The following SYT15 variants were observed in gnomAD, a reference collection of about 807,000 sequenced individuals.
The protein encoded by SYT15 is synaptotagmin 15.
SYT15 carries 4 observed loss-of-function variants against 30.1 expected under a neutral mutation model. The ratio of observed to expected loss-of-function variants is 0.13; its 90% CI spans 0.07 to 0.30. SYT15 has a LOEUF of 0.30. Ranked by LOEUF, SYT15 falls within the 10% of genes least tolerant of loss-of-function variation. The pLI, the probability that SYT15 is intolerant of heterozygous loss-of-function variation, is 1.00. For missense variants in SYT15, 49 were observed against 371.7 expected, an observed-to-expected ratio of 0.13 and a Z score of 7.14; for synonymous variants, 19 against 166.3, an observed-to-expected ratio of 0.11 and a Z score of 6.82.
chr10:46,581,804 G>GGGATGGGT, intron 3 of SYT15, 92 bp from the exon 4 acceptor site: 1 of 813,404 alleles, frequency 1.2e-6, no homozygotes, highest in Non-Finnish European at 1.8e-6. Flanking sequence ...GAGACGGATG[G>GGGATGGGT]GCCAGGATGG....
At chr10:46,596,087 A>C (rs1555045586), downstream of SYT15, 1 of 146,410 alleles carries the variant, frequency 6.8e-6, no homozygotes, top group East Asian at 1.9e-4. Context: ...AACGCAATGA[A>C]CCATGCTGAT....
rs537149763 is a variant in SYT15, at chr10:46,586,732, C to T, written c.1124-773C>T. Among the ~76,000 whole-genome samples, 7 of 122,366 alleles carry T rather than the reference C, an allele frequency of 5.7e-5. 1 individual carries two copies. The highest frequency in any genetic ancestry group is 1.2e-4 in the Non-Finnish European group (7 of 59,344). The allele number at this position is 122,366 out of a possible 152,430, so 80.3% of individuals were successfully genotyped here. ...TGGTGGTGCACGCCTGTAGGCCCAA[C>T]TACTCGGGAGGCTGAAGCAGAAGAA... On this transcript the variant is annotated intron_variant, in intron 7 of 7. Coordinates refer to ENST00000374321, the MANE Select transcript of SYT15 (RefSeq NM_031912.5).
At chr10:46,596,878 A>T, downstream of SYT15, 15 of 390,248 alleles carry the variant, frequency 3.8e-5, no homozygotes, top group South Asian at 2.8e-4. Flanking sequence ...AGACTCCTAC[A>T]TGGGATTGGA....
chr10:46,595,410 G>T (rs1845641992), downstream of SYT15, among the ~76,000 whole-genome samples: 1 of 151,978 alleles, frequency 6.6e-6, no homozygotes. Context: ...CTGCCTCCCA[G>T]GTTCAAGCGA....
rs1456980936 is a variant in SYT15 at position 46,590,837 on chromosome 10, T to C, written c.*3190T>C. ...TTAAATTTCTCTCAAATACTTACTC[T>C]GCACCTTTTGAAATAATTTTATTTT... On this transcript the variant is annotated 3_prime_UTR_variant, in exon 8 of 8. Transcript: ENST00000374321. 1 of 123,116 alleles carries C rather than the reference T, an allele frequency of 8.1e-6. No homozygotes were observed. Among genetic ancestry groups the C allele is most frequent in the African/African-American group, 3.3e-5 (1 of 29,874 alleles). The allele number at this position is 123,116 out of a possible 1,614,324, so 7.6% of individuals were successfully genotyped here. A position where few individuals can be genotyped will look rare whatever the true frequency, so the allele number is the denominator to read the frequency against.
In SYT15 at chr10:46,590,792, T is replaced by G. The variant is rs533584999; in HGVS notation, c.*3145T>G. On this transcript the variant is annotated 3_prime_UTR_variant, in exon 8 of 8. Transcript: ENST00000374321. Reference sequence around the variant, plus strand: ...TATATTCTCAAGCTGTTAAAAAGATTTTTTTAATTACAAATAAGGTTAAAT... The same window carrying G: ...TATATTCTCAAGCTGTTAAAAAGATGTTTTTAATTACAAATAAGGTTAAAT... 14 of 126,324 alleles carry G rather than the reference T, an allele frequency of 1.1e-4. No individual in the cohort carries two copies. The highest frequency in any genetic ancestry group is 3.9e-4 in the Admixed American group (5 of 12,674). 7.8% of individuals were successfully genotyped at this position (126,324 alleles called of 1,614,324 possible).
intron 7 of SYT15, among the ~76,000 whole-genome samples, chr10:46,586,501 G>A (rs1202271269): frequency 1.1e-4 from 10 of 94,178 alleles, no homozygotes; most frequent in Non-Finnish European, 1.4e-4. Flanking sequence ...AGCCGAGATC[G>A]CACCACTGCA....
chr10:46,593,448 C>T (rs1234308226), downstream of SYT15: 1 of 147,386 alleles, frequency 6.8e-6, no homozygotes, highest in Non-Finnish European at 1.5e-5. Context: ...AAAAATTAGC[C>T]AGGCATGGTG....
chr10:46,580,771 C>A, intron 2 of SYT15, 123 bp from the exon 3 acceptor site: 1 of 543,126 alleles, frequency 1.8e-6, no homozygotes, highest in Non-Finnish European at 3.2e-6. Context: ...GGTGCCCTGG[C>A]CTCCTCCTGG....
chr10:46,583,885 G>A lies in SYT15; in HGVS notation c.805G>A (p.Glu269Lys). ...DCRRVIWRDLEAESLEPPSEF... is the reference protein window; with the variant it reads ...DCRRVIWRDLKAESLEPPSEF... ...CCGGCGTGTCATCTGGAGAGACCTG[G>A]AGGCCGAGAGCCTGGAGGTATGGTC... Residue 269 changes from glutamate to lysine, a missense_variant, in exon 5 of 8, where the codon GAG (glutamate) becomes AAG (lysine). Coordinates refer to ENST00000374321, the MANE Select transcript of SYT15 (RefSeq NM_031912.5). 6.4e-7 allele frequency: 1 copy of A among 1,563,992 alleles called. No homozygotes were observed. Among genetic ancestry groups the A allele is most frequent in the East Asian group, 2.2e-5 (1 of 44,584 alleles).
chr10:46,588,482 A>G lies in SYT15; in HGVS notation c.*835A>G, dbSNP rs1845202594. 3.9e-6 allele frequency: 1 copy of G among 258,914 alleles called. No individual in the cohort carries two copies. Among genetic ancestry groups the G allele is most frequent in the Non-Finnish European group, 5.4e-6 (1 of 185,960 alleles). The allele number at this position is 258,914 out of a possible 1,614,324, so 16.0% of individuals were successfully genotyped here. On this transcript the variant is annotated 3_prime_UTR_variant, in exon 8 of 8. Transcript: ENST00000374321. ...CAGTATTGATGTAAAATTTGTTAAG[A>G]AGGAAGTACCCACAGATCACTGCCA...
Position 46,591,490 on chromosome 10 carries a change from GATTA to G in SYT15, c.*3847_*3850del, listed in dbSNP as rs1248000287. The G allele has an allele frequency of 9.5e-6, 1 of 105,538 alleles. No individual in the cohort carries two copies. The highest frequency in any genetic ancestry group is 1.9e-5 in the Non-Finnish European group (1 of 53,130). 6.5% of individuals were successfully genotyped at this position (105,538 alleles called of 1,614,324 possible). Reference sequence around the variant, plus strand: ...TAAGTAAATAAATAAATAAAATTTAGATTAATTTGCTGTTATATTTTTATATAAG... The same window carrying G: ...TAAGTAAATAAATAAATAAAATTTAGATTTGCTGTTATATTTTTATATAAG... On this transcript the variant is annotated 3_prime_UTR_variant, in exon 8 of 8. Coordinates refer to ENST00000374321, the MANE Select transcript of SYT15 (RefSeq NM_031912.5).
chr10:46,594,276 G>A (rs4451654), downstream of SYT15: 2 of 100,978 alleles, frequency 2.0e-5, no homozygotes, highest in Middle Eastern at 4.3e-3. Flanking sequence ...GAACTGACTA[G>A]AGTCTATGTT....
rs1414636297 is a variant in SYT15 at position 46,591,843 on chromosome 10, C to T, written c.*4196C>T. 7.0e-6 allele frequency: 1 copy of T among 142,904 alleles called. No homozygotes were observed. The allele number at this position is 142,904 out of a possible 1,614,324, so 8.9% of individuals were successfully genotyped here. A position where few individuals can be genotyped will look rare whatever the true frequency, so the allele number is the denominator to read the frequency against. ...AATTGACGTTTTCTGGTAGAGTGAA[C>T]CTTTATTATGTGAAATGGCTTTCTC... On this transcript the variant is annotated 3_prime_UTR_variant, in exon 8 of 8. Coordinates refer to ENST00000374321, the MANE Select transcript of SYT15 (RefSeq NM_031912.5).
rs1555043507 is a variant in SYT15 at position 46,591,020 on chromosome 10, T to C, written c.*3373T>C. On this transcript the variant is annotated 3_prime_UTR_variant, in exon 8 of 8. Transcript: ENST00000374321. ...ACACAACAATACTTGGACTTATTTATTTAAAATTTAGATTTATTAGAGGGA... is the reference window on the plus strand; with the variant it reads ...ACACAACAATACTTGGACTTATTTACTTAAAATTTAGATTTATTAGAGGGA... 1.4e-5 allele frequency: 2 copies of C among 141,928 alleles called. No homozygotes were observed. Among genetic ancestry groups the C allele is most frequent in the African/African-American group, 5.6e-5 (2 of 36,022 alleles). The allele number at this position is 141,928 out of a possible 1,614,324, so 8.8% of individuals were successfully genotyped here. A position where few individuals can be genotyped will look rare whatever the true frequency, so the allele number is the denominator to read the frequency against.
Position 46,590,977 on chromosome 10 carries a change from G to A in SYT15, c.*3330G>A, listed in dbSNP as rs191852332. 1.7e-4 allele frequency: 24 copies of A among 143,538 alleles called. 1 individual carries two copies. The highest frequency in any genetic ancestry group is 1.2e-3 in the East Asian group (6 of 5,106). 8.9% of individuals were successfully genotyped at this position (143,538 alleles called of 1,614,324 possible). On this transcript the variant is annotated 3_prime_UTR_variant, in exon 8 of 8. Coordinates refer to ENST00000374321, the MANE Select transcript of SYT15 (RefSeq NM_031912.5). ...GGTGTGTACACTTTTGTGTGTGTGC[G>A]CAGGTTTATACACATAAACACAACA...
Position 46,590,758 on chromosome 10 carries a change from T to C in SYT15, c.*3111T>C, listed in dbSNP as rs576982927. 1.5e-5 allele frequency: 2 copies of C among 136,680 alleles called. No individual in the cohort carries two copies. Among genetic ancestry groups the C allele is most frequent in the Admixed American group, 7.3e-5 (1 of 13,702 alleles). 8.5% of individuals were successfully genotyped at this position (136,680 alleles called of 1,614,324 possible). The stretch of plus-strand genomic sequence containing the variant: ...GGTTGTTATAGGATTTTTAATGTAC[T>C]CATTAACATATATTCTCAAGCTGTT... On this transcript the variant is annotated 3_prime_UTR_variant, in exon 8 of 8. Coordinates refer to ENST00000374321, the MANE Select transcript of SYT15 (RefSeq NM_031912.5).
Position 46,580,942 on chromosome 10 carries a change from T to A in SYT15, c.261T>A (p.Asp87Glu). The change falls in exon 3 of 8, where the codon GAT (aspartate) becomes GAA (glutamate). Residue 87 changes from aspartate to glutamate, a missense_variant. Physicochemically the swap from Asp to Glu is conservative, Grantham distance 45. Transcript: ENST00000374321. Reference protein sequence around the residue: ...FVVPPTLQGRDWVPLHSGEWA... With the variant: ...FVVPPTLQGREWVPLHSGEWA... The stretch of plus-strand genomic sequence containing the variant: ...TGCCCCCAACCCTTCAAGGCCGAGA[T>A]TGGGTGCCCCTGCACAGTGGAGAGT... 1 of 1,274,854 alleles carries A rather than the reference T, an allele frequency of 7.8e-7. No homozygotes were observed. Among genetic ancestry groups the A allele is most frequent in the Non-Finnish European group, 1.1e-6 (1 of 944,308 alleles). 79.0% of individuals were successfully genotyped at this position (1,274,854 alleles called of 1,614,324 possible). A position where few individuals can be genotyped will look rare whatever the true frequency, so the allele number is the denominator to read the frequency against.
At chr10:46,594,661 G>C (rs1382493588), downstream of SYT15, among the ~76,000 whole-genome samples, 1 of 137,446 alleles carries the variant, frequency 7.3e-6, no homozygotes, top group Admixed American at 7.2e-5. Flanking sequence ...CCAAATGCTC[G>C]GCCTCTTAGC....
Sources: gnomAD v4.1 joint callset for allele counts (sites outside exome capture counted in the v4.1 genomes callset) on GRCh38, gnomAD v4.1.1 for gene constraint, MANE v1.5 for transcripts, NCBI Gene and HGNC (gene_info 2026-07-23, HGNC 2026-07-21) for gene names.